Variants in NFKBIE observed in about 807,000 individuals in gnomAD.
NFKBIE encodes NFKB inhibitor epsilon.
NFKBIE carries 11 observed loss-of-function variants against 31.6 expected under a neutral mutation model. The ratio of observed to expected loss-of-function variants is 0.35; its 90% CI spans 0.22 to 0.58. The LOEUF is 0.58. Among genes scored for constraint, NFKBIE ranks in the 20% least tolerant of loss-of-function variants. The probability of loss-of-function intolerance (pLI) is 0.83; values close to 1 mark genes in which losing one functional copy is unlikely to be tolerated. For missense variants in NFKBIE, 354 were observed against 465.7 expected, an observed-to-expected ratio of 0.76 and a Z score of 2.21; for synonymous variants, 208 against 210.1, an observed-to-expected ratio of 0.99 and a Z score of 0.09.
rs147266122 is a variant in NFKBIE at position 44,261,663 on chromosome 6, T to C, written c.654A>G (p.Thr218=). The C allele has an allele frequency of 4.3e-6, 7 of 1,614,096 alleles. No homozygotes were observed. Among genetic ancestry groups the C allele is most frequent in the African/African-American group, 4.0e-5 (3 of 74,948 alleles). Residue 218 remains threonine, a synonymous_variant, in exon 3 of 6, where the codon ACA becomes ACG. Coordinates refer to ENST00000619360, the MANE Select transcript of NFKBIE (RefSeq NM_004556.3). The surrounding 1 kb of genome is among the most constrained non-coding windows in gnomAD (Gnocchi z 4.3). ...LEGRPEPGRG[T]SHSLDLQLQN... The stretch of plus-strand genomic sequence containing the variant: ...GCAGCTGGAGGTCCAGAGAGTGAGA[T>C]GTTCCTCTGCCTGGCTCTGGCCGCC...
Position 44,258,177 on chromosome 6 carries a change from G to T in NFKBIE, c.*1042C>A, listed in dbSNP as rs1217239591. The stretch of plus-strand genomic sequence containing the variant: ...ATAGCACCCACTGCAACTTGGAAAG[G>T]CATCTTTATTTGGATGTTTATGCTT... On this transcript the variant is annotated 3_prime_UTR_variant, in exon 6 of 6. Transcript: ENST00000619360. 1 of 152,260 alleles carries T rather than the reference G, an allele frequency of 6.6e-6. No individual in the cohort carries two copies. The highest frequency in any genetic ancestry group is 1.5e-5 in the Non-Finnish European group (1 of 68,080). 9.4% of individuals were successfully genotyped at this position (152,260 alleles called of 1,614,324 possible).
Position 44,260,213 on chromosome 6 carries a change from G to A in NFKBIE, c.850C>T (p.Leu284=). ...TCTACCTGGGCACCAGCCTGGAGCA[G>A]GAACTGTACCAGGCCCCGCTCTTGG... The part of the protein sequence containing the change: ...ETQERGLVQF[L]LQAGAQVDAR... The change falls in exon 5 of 6, where the codon CTG becomes TTG. Residue 284 remains leucine (L), a synonymous_variant. Coordinates refer to ENST00000619360, the MANE Select transcript of NFKBIE (RefSeq NM_004556.3). The surrounding 1 kb of genome is among the most constrained non-coding windows in gnomAD (Gnocchi z 5.5). 6.2e-7 allele frequency: 1 copy of A among 1,614,166 alleles called. No homozygotes were observed. Among genetic ancestry groups the A allele is most frequent in the Non-Finnish European group, 8.5e-7 (1 of 1,179,988 alleles).
rs1419251047 is a variant in NFKBIE at position 44,261,406 on chromosome 6, A to G, written c.691+220T>C. On this transcript the variant is annotated intron_variant, in intron 3 of 5. Coordinates refer to ENST00000619360, the MANE Select transcript of NFKBIE (RefSeq NM_004556.3). The surrounding 1 kb of genome is among the most constrained non-coding windows in gnomAD (Gnocchi z 4.3). ...TTAAACTAAGTATCTTAAGGGCAAG[A>G]TTTAGTTTTCTTCTCAGCAGGCAGT... Among the ~76,000 whole-genome samples the G allele has an allele frequency of 1.3e-5, 2 of 152,220 alleles. No individual in the cohort carries two copies. The highest frequency in any genetic ancestry group is 4.8e-5 in the African/African-American group (2 of 41,454).
At position 44,263,452 on chromosome 6, in the gene NFKBIE, G is replaced by GC. The variant is rs757698585; in HGVS notation, c.366-791dup. The stretch of plus-strand genomic sequence containing the variant: ...TCTAGGCCGGGACAGCTGCCTTGGG[G>GC]CATTAGTGAGGGGGGTAGATTGGCT... On this transcript the variant is annotated intron_variant, in intron 1 of 5. Transcript: ENST00000619360. This position sits in a 1 kb window ranked among gnomAD's most constrained non-coding sequence, Gnocchi z 5.0. 1.1e-4 allele frequency among the ~76,000 whole-genome samples: 17 copies of GC among 151,970 alleles called. No homozygotes were observed. Among genetic ancestry groups the GC allele is most frequent in the Non-Finnish European group, 2.1e-4 (14 of 67,972 alleles).
rs1309154583 is a variant in NFKBIE, at chr6:44,258,858, C to T, written c.*361G>A. 5.0e-6 allele frequency: 1 copy of T among 198,722 alleles called. No homozygotes were observed. The highest frequency in any genetic ancestry group is 1.1e-5 in the Non-Finnish European group (1 of 93,640). The allele number at this position is 198,722 out of a possible 1,614,324, so 12.3% of individuals were successfully genotyped here. A position where few individuals can be genotyped will look rare whatever the true frequency, so the allele number is the denominator to read the frequency against. On this transcript the variant is annotated 3_prime_UTR_variant, in exon 6 of 6. Coordinates refer to ENST00000619360, the MANE Select transcript of NFKBIE (RefSeq NM_004556.3). ...CTGCTTGCTCCTATTTCAGTCTCTT[C>T]TCACTCAGGAGAGTCCATGCTTCCT...
In NFKBIE at chr6:44,260,887, AC is replaced by A. The variant is rs1781891995; in HGVS notation, c.692-349del. ...CACACACACACACACACACACACACACACAACCTGCCTTCAAGCCCAGTCTG... is the reference window on the plus strand; with the variant it reads ...CACACACACACACACACACACACACAACAACCTGCCTTCAAGCCCAGTCTG... On this transcript the variant is annotated intron_variant, in intron 3 of 5. Transcript: ENST00000619360. This position sits in a 1 kb window ranked among gnomAD's most constrained non-coding sequence, Gnocchi z 5.5. Among the ~76,000 whole-genome samples the A allele has an allele frequency of 1.3e-5, 2 of 150,046 alleles. No individual in the cohort carries two copies. Among genetic ancestry groups the A allele is most frequent in the African/African-American group, 2.5e-5 (1 of 40,596 alleles).
intron 1 of NFKBIE, among the ~76,000 whole-genome samples, chr6:44,264,452 C>T (rs1202634624): frequency 1.3e-5 from 2 of 152,148 alleles, no homozygotes; most frequent in East Asian, 1.9e-4. Flanking sequence ...GGCAGCCAGC[C>T]GCCTGTCTGT....
Position 44,265,112 on chromosome 6 carries a change from T to G in NFKBIE, c.235A>C (p.Thr79Pro), listed in dbSNP as rs1782072705. Residue 79 changes from threonine (T) to proline (P), a missense_variant, in exon 1 of 6, where the codon ACC becomes CCC. Transcript: ENST00000619360. ...ADSTYGSSSL[T>P]YTLSLLGGPE... ...CCCCCCAGCAAGGACAGGGTGTAGGTGAGCGAGGAGGAGCCATAGGTGGAA... is the reference window on the plus strand; with the variant it reads ...CCCCCCAGCAAGGACAGGGTGTAGGGGAGCGAGGAGGAGCCATAGGTGGAA... 3 of 1,554,636 alleles carry G rather than the reference T, an allele frequency of 1.9e-6. No homozygotes were observed. The East Asian group carries it at 7.2e-5, about 37-fold the overall frequency.
rs1356625504 is a variant in NFKBIE, at chr6:44,262,627, G to A, written c.401C>T (p.Ala134Val). Residue 134 changes from alanine to valine, a missense_variant, in exon 2 of 6, where the codon GCG becomes GTG. By Grantham distance (64) the Ala-to-Val change is moderately conservative. This residue lies in a region of NFKBIE where 183 missense variants were observed against 310.6 expected (regional missense o/e 0.59). Transcript: ENST00000619360. ...CAAAGCCAGGCAACAGAGCAGCACC[G>A]CTGGGGCCTCATGAATCACTGCCAG... is the stretch of plus-strand genomic sequence containing the variant. Reference protein sequence around the residue: ...VHLAVIHEAPAVLLCCLALLP... With the variant: ...VHLAVIHEAPVVLLCCLALLP... 1.9e-6 allele frequency: 3 copies of A among 1,614,002 alleles called. No homozygotes were observed. Among genetic ancestry groups the A allele is most frequent in the Admixed American group, 1.7e-5 (1 of 59,990 alleles).
In NFKBIE at chr6:44,261,509, G is replaced by A. The variant is rs1781919754; in HGVS notation, c.691+117C>T. ...TGTACTGAATATCTATGTGCTTACA[G>A]TGGGAGGGGCACCAATGGACAAGCT... On this transcript the variant is annotated intron_variant, in intron 3 of 5. Coordinates refer to ENST00000619360, the MANE Select transcript of NFKBIE (RefSeq NM_004556.3). This position sits in a 1 kb window ranked among gnomAD's most constrained non-coding sequence, Gnocchi z 4.3. The A allele has an allele frequency of 7.3e-6, 7 of 956,938 alleles. No individual in the cohort carries two copies. Among genetic ancestry groups the A allele is most frequent in the Non-Finnish European group, 1.1e-5 (7 of 628,910 alleles). 59.3% of individuals were successfully genotyped at this position (956,938 alleles called of 1,614,324 possible).
rs1781807892 is a variant in NFKBIE at position 44,259,373 on chromosome 6, T to C, written c.1021-89A>G. Reference sequence around the variant, plus strand: ...GACCCAGGGAAACCTGTTGGGCCACTCCCTCCCCACCAAATGACAGTTGAA... The same window carrying C: ...GACCCAGGGAAACCTGTTGGGCCACCCCCTCCCCACCAAATGACAGTTGAA... On this transcript the variant is annotated intron_variant, in intron 5 of 5. Coordinates refer to ENST00000619360, the MANE Select transcript of NFKBIE (RefSeq NM_004556.3). 2.3e-5 allele frequency: 21 copies of C among 901,552 alleles called. No homozygotes were observed. In the South Asian group the frequency reaches 2.6e-4, roughly 11 times the overall value. 55.8% of individuals were successfully genotyped at this position (901,552 alleles called of 1,614,324 possible).
In NFKBIE at chr6:44,265,055, G is replaced by A; in HGVS notation, c.292C>T (p.Pro98Ser). The A allele has an allele frequency of 1.3e-6, 2 of 1,578,454 alleles. No homozygotes were observed. Among genetic ancestry groups the A allele is most frequent in the Non-Finnish European group, 1.7e-6 (2 of 1,162,110 alleles). The change falls in exon 1 of 6, where the codon CCA becomes TCA. Residue 98 changes from proline to serine, a missense_variant. Pro to Ser is a moderately conservative substitution (Grantham distance 74). This residue lies in a region of NFKBIE where 171 missense variants were observed against 155.1 expected (regional missense o/e 1.10). Coordinates refer to ENST00000619360, the MANE Select transcript of NFKBIE (RefSeq NM_004556.3). ...PEAEDPAPRL[P>S]LPHVGALSPQ... ...CTCAGCGCCCCCACGTGGGGGAGTG[G>A]CAGGCGTGGGGCCGGGTCCTCAGCC...
intron 1 of NFKBIE, 102 bp downstream of exon 1, chr6:44,264,880 G>C: frequency 8.0e-7 from 1 of 1,256,170 alleles, no homozygotes; most frequent in East Asian, 2.5e-5. Context: ...AGCGAATGGG[G>C]ACTTGAAGGA....
At position 44,261,800 on chromosome 6, in the gene NFKBIE, C is replaced by T. The variant is rs1046990380; in HGVS notation, c.517G>A (p.Ala173Thr). ...CGGCTGGCCCCCTTCAGCACCAGTG[C>T]CCGAACTGCGCCCGGTTGGTCCAGA... ...VHLDQPGAVRALVLKGASRAL... is the reference protein window; with the variant it reads ...VHLDQPGAVRTLVLKGASRAL... Residue 173 changes from alanine (A) to threonine (T), a missense_variant, in exon 3 of 6, where the codon GCA (alanine) becomes ACA (threonine). Ala to Thr is a moderately conservative substitution (Grantham distance 58). Around this residue, in one of 2 missense-constraint regions of NFKBIE, gnomAD observed 183 missense variants for 310.6 expected, o/e 0.59. Coordinates refer to ENST00000619360, the MANE Select transcript of NFKBIE (RefSeq NM_004556.3). This position sits in a 1 kb window ranked among gnomAD's most constrained non-coding sequence, Gnocchi z 4.3. 1 of 1,613,044 alleles carries T rather than the reference C, an allele frequency of 6.2e-7. No homozygotes were observed. Among genetic ancestry groups the T allele is most frequent in the African/African-American group, 1.3e-5 (1 of 74,944 alleles).
chr6:44,259,596 G>A (rs1384756164), intron 5 of NFKBIE, among the ~76,000 whole-genome samples: 2 of 152,070 alleles, frequency 1.3e-5, no homozygotes, highest in Admixed American at 6.6e-5. Flanking sequence ...TGGGGGGGCT[G>A]CTGGGTACTC....
chr6:44,265,284 C>T lies in NFKBIE; in HGVS notation c.63G>A (p.Glu21=). 2 of 1,550,724 alleles carry T rather than the reference C, an allele frequency of 1.3e-6. No homozygotes were observed. The highest frequency in any genetic ancestry group is 1.7e-6 in the Non-Finnish European group (2 of 1,148,202). ...AEESQYDSGI[E]SLRSLRSLPE... ...GTAGGGAGCGCAGAGAGCGCAGAGA[C>T]TCAATGCCAGAGTCGTACTGGCTCT... Residue 21 remains glutamate, a synonymous_variant, in exon 1 of 6, where the codon GAG becomes GAA. Coordinates refer to ENST00000619360, the MANE Select transcript of NFKBIE (RefSeq NM_004556.3).
In NFKBIE at chr6:44,265,405, C is replaced by G. The variant is rs1450759993; in HGVS notation, c.-59G>C. On this transcript the variant is annotated 5_prime_UTR_variant, in exon 1 of 6. Transcript: ENST00000619360. ...AGCAGGATCCGGCTCCAGGCTCCGC[C>G]GCGCCGCCTTTCCGGGTTGCGGGTC... The G allele has an allele frequency of 6.5e-7, 1 of 1,547,060 alleles. No homozygotes were observed. The highest frequency in any genetic ancestry group is 8.7e-7 in the Non-Finnish European group (1 of 1,153,846).
chr6:44,259,983 C>T, intron 5 of NFKBIE, 60 bp downstream of exon 5: 2 of 1,577,454 alleles, frequency 1.3e-6, no homozygotes, highest in Middle Eastern at 1.7e-4. Flanking sequence ...CAGCTAATGA[C>T]AGAACCTCTC....
At position 44,259,114 on chromosome 6, in the gene NFKBIE, T is replaced by C. The variant is rs1031193437; in HGVS notation, c.*105A>G. On this transcript the variant is annotated 3_prime_UTR_variant, in exon 6 of 6. Transcript: ENST00000619360. ...CCCAGGCTCTGGCCACAGCAGTCCC[T>C]AGGGCACCAGAAGAGCACATAGCCT... 4.9e-6 allele frequency: 6 copies of C among 1,222,578 alleles called. No homozygotes were observed. The African/African-American group carries it at 8.9e-5, about 18-fold the overall frequency. The allele number at this position is 1,222,578 out of a possible 1,614,324, so 75.7% of individuals were successfully genotyped here.
Sources: gnomAD v4.1 joint callset for allele counts (sites outside exome capture counted in the v4.1 genomes callset) on GRCh38, gnomAD v4.1.1 for gene constraint, gnomAD v4.1.1 regional missense constraint, Gnocchi (gnomAD v3.1) non-coding constraint, MANE v1.5 for transcripts, NCBI Gene and HGNC (gene_info 2026-07-23, HGNC 2026-07-21) for gene names.